TESK2: variants seen among roughly 807,000 people sequenced by gnomAD.
TESK2 encodes dual specificity testis-specific protein kinase 2.
In TESK2, 39 loss-of-function variants were observed where a neutral mutation model predicts 57.1. The observed-to-expected ratio is 0.68, with a 90% confidence interval of 0.53 to 0.89. TESK2 has a LOEUF of 0.89. TESK2 is among the 40% of genes least tolerant of loss of function. The pLI is 0.00. For synonymous variants in TESK2, 249 were observed against 267.9 expected (o/e 0.93, Z 0.69); for missense variants, 646 against 732.1 (o/e 0.88, Z 1.36).
chr1:45,446,038 C>T (rs773463270), intron 2 of TESK2, among the ~76,000 whole-genome samples: 9 of 151,876 alleles, frequency 5.9e-5, no homozygotes, highest in Non-Finnish European at 1.0e-4. Context: ...ACCAATTATC[C>T]TAGAAGAATA....
intron 2 of TESK2, among the ~76,000 whole-genome samples, chr1:45,426,230 A>G (rs866099214): frequency 1.8e-4 from 28 of 152,290 alleles, no homozygotes; most frequent in Middle Eastern, 6.8e-3. Context: ...AACCAAAATA[A>G]CATGGTATTG....
In TESK2 at chr1:45,452,032, C is replaced by CAAAAAAAAAAAAAAAAAAAAAAAAAA. The variant is rs566363776; in HGVS notation, c.222+5531_222+5532insTTTTTTTTTTTTTTTTTTTTTTTTTT. 1.6e-3 allele frequency among the ~76,000 whole-genome samples: 161 copies of CAAAAAAAAAAAAAAAAAAAAAAAAAA among 103,694 alleles called. 8 individuals are homozygous for CAAAAAAAAAAAAAAAAAAAAAAAAAA. Among genetic ancestry groups the CAAAAAAAAAAAAAAAAAAAAAAAAAA allele is most frequent in the African/African-American group, 5.4e-3 (126 of 23,542 alleles). The allele number at this position is 103,694 out of a possible 152,430, so 68.0% of individuals were successfully genotyped here. On this transcript the variant is annotated intron_variant, in intron 2 of 10. Coordinates refer to ENST00000372086, the MANE Select transcript of TESK2 (RefSeq NM_007170.3). ...TGGGAGACAGAACAAGACTCCGTCT[C>CAAAAAAAAAAAAAAAAAAAAAAAAAA]AAAAAAAAAAAAAAATTTATTTGGT...
At chr1:45,489,893 G>C (rs1214537566) in intron 1 of TESK2, among the ~76,000 whole-genome samples, 1 of 152,212 alleles carries the variant, frequency 6.6e-6, no homozygotes, top group African/African-American at 2.4e-5. Context: ...TTTCAGATGA[G>C]ATCAGGAGCG....
chr1:45,368,664 C>T (rs560243453), intron 4 of TESK2, among the ~76,000 whole-genome samples: 16 of 151,736 alleles, frequency 1.1e-4, no homozygotes, highest in East Asian at 7.8e-4. Context: ...CATGAGCCAC[C>T]GCACCCGGCT....
intron 2 of TESK2, among the ~76,000 whole-genome samples, chr1:45,433,999 T>C (rs1234219182): frequency 6.6e-6 from 1 of 152,054 alleles, no homozygotes; most frequent in Non-Finnish European, 1.5e-5. Context: ...GTTGTTGTTA[T>C]TGTTGTTGTT....
chr1:45,394,323 CTTTTTTT>C (rs35459050), intron 3 of TESK2, among the ~76,000 whole-genome samples: 4 of 115,134 alleles, frequency 3.5e-5, no homozygotes, highest in African/African-American at 6.9e-5. Context: ...CCACAGCTGG[CTTTTTTT>C]TTTTTTTTTT....
chr1:45,377,487 C>T (rs1190858984), intron 4 of TESK2, among the ~76,000 whole-genome samples: 5 of 149,670 alleles, frequency 3.3e-5, no homozygotes, highest in African/African-American at 2.4e-5. Flanking sequence ...GGTGCGATCC[C>T]GGCTCACTGC....
At chr1:45,430,751 T>C (rs551765488) in intron 2 of TESK2, among the ~76,000 whole-genome samples, 2 of 152,326 alleles carry the variant, frequency 1.3e-5, no homozygotes, top group South Asian at 2.1e-4. Flanking sequence ...CGACATTTCA[T>C]GTGTGGTTCT....
chr1:45,358,110 G>C (rs555197075), intron 4 of TESK2, among the ~76,000 whole-genome samples: 3 of 150,694 alleles, frequency 2.0e-5, no homozygotes, highest in African/African-American at 7.3e-5. Flanking sequence ...TCAGGAGATC[G>C]AGACCGTCCT....
intron 2 of TESK2, among the ~76,000 whole-genome samples, chr1:45,434,536 C>T (rs894847265): frequency 2.0e-5 from 3 of 151,112 alleles, no homozygotes; most frequent in African/African-American, 7.3e-5. Context: ...GATAATACCT[C>T]ATTGTATTGA....
At chr1:45,434,316 G>A (rs1404894956) in intron 2 of TESK2, among the ~76,000 whole-genome samples, 1 of 150,604 alleles carries the variant, frequency 6.6e-6, no homozygotes. Context: ...GTTTGTCTAA[G>A]ACAGGGTCCT....
intron 1 of TESK2, among the ~76,000 whole-genome samples, chr1:45,469,356 A>G (rs1652677491): frequency 6.6e-6 from 1 of 152,198 alleles, no homozygotes; most frequent in Admixed American, 6.6e-5. Flanking sequence ...CAGACCACGC[A>G]TTCTACCAAG....
At chr1:45,433,090 T>G (rs1465787426) in intron 2 of TESK2, among the ~76,000 whole-genome samples, 9 of 87,438 alleles carry the variant, frequency 1.0e-4, no homozygotes, top group Non-Finnish European at 2.2e-4. Flanking sequence ...TTTTTTTTTT[T>G]TTTGAGACCG....
intron 2 of TESK2, among the ~76,000 whole-genome samples, chr1:45,455,680 T>G (rs1385717023): frequency 6.6e-6 from 1 of 152,198 alleles, no homozygotes; most frequent in African/African-American, 2.4e-5. Context: ...TGGAGATGGT[T>G]GTACAACATT....
At chr1:45,387,679 T>C (rs1448015057) in intron 3 of TESK2, among the ~76,000 whole-genome samples, 1 of 152,184 alleles carries the variant, frequency 6.6e-6, no homozygotes, top group Non-Finnish European at 1.5e-5. Flanking sequence ...CAAAGGAGAA[T>C]GCCTGGTTGG....
chr1:45,458,943 C>T (rs1420189122), intron 1 of TESK2, among the ~76,000 whole-genome samples: 1 of 152,128 alleles, frequency 6.6e-6, no homozygotes, highest in Non-Finnish European at 1.5e-5. Context: ...ATGCAAAATA[C>T]AACATTGTGA....
chr1:45,398,818 T>C, intron 3 of TESK2: 1 of 370,956 alleles, frequency 2.7e-6, no homozygotes, highest in South Asian at 2.1e-5. Flanking sequence ...GAAGTGATTA[T>C]GTCATTTCTA....
At chr1:45,402,079 AT>A (rs367938582) in intron 3 of TESK2, among the ~76,000 whole-genome samples, 82 of 149,158 alleles carry the variant, frequency 5.5e-4, no homozygotes, top group East Asian at 7.9e-4. Context: ...GCTAATAACC[AT>A]TAAAAAAAAA....
chr1:45,425,155 G>A (rs947010527), intron 2 of TESK2, among the ~76,000 whole-genome samples: 1 of 152,030 alleles, frequency 6.6e-6, no homozygotes, highest in African/African-American at 2.4e-5. Flanking sequence ...CTTGTATTTG[G>A]AAAAACCTAA....
Sources: allele counts gnomAD v4.1 joint callset (sites outside exome capture counted in the v4.1 genomes callset), GRCh38; gene constraint gnomAD v4.1.1; transcripts MANE v1.5; gene names NCBI Gene and HGNC (gene_info 2026-07-23, HGNC 2026-07-21).